Variants in SLIT2 observed in about 807,000 individuals in gnomAD.
SLIT2 encodes the protein slit homolog 2 protein.
SLIT2 carries 41 observed loss-of-function variants against 185.7 expected under a neutral mutation model. The ratio of observed to expected loss-of-function variants is 0.22; its 90% CI spans 0.17 to 0.29. The LOEUF (loss-of-function observed/expected upper bound fraction) is 0.29, where lower values mean the gene tolerates loss of function less well. Among genes scored for constraint, SLIT2 ranks in the 10% least tolerant of loss-of-function variants. The pLI is 1.00. For synonymous variants in SLIT2, 693 were observed against 680.2 expected, an observed-to-expected ratio of 1.02 and a Z score of -0.29; for missense variants, 1,571 against 1,909.0, an observed-to-expected ratio of 0.82 and a Z score of 3.30.
intron 8 of SLIT2, among the ~76,000 whole-genome samples, chr4:20,490,516 A>G (rs1484931677): frequency 1.3e-5 from 2 of 152,164 alleles, no homozygotes; most frequent in Non-Finnish European, 2.9e-5. Context: ...TCAAAATACA[A>G]CAAAACAAAA....
chr4:20,257,734 G>A (rs752677105), intron 2 of SLIT2, 134 bp from the exon 3 acceptor site: 45 of 649,526 alleles, frequency 6.9e-5, no homozygotes, highest in Non-Finnish European at 1.1e-4. Context: ...TATTAAATTT[G>A]ATATTGGATC....
chr4:20,443,933 A>T (rs777567514), intron 4 of SLIT2, among the ~76,000 whole-genome samples: 13 of 152,206 alleles, frequency 8.5e-5, no homozygotes, highest in Non-Finnish European at 1.8e-4. Flanking sequence ...TGCTGGATTG[A>T]AAAGTCTACT....
chr4:20,349,013 A>T (rs567835938), intron 4 of SLIT2, among the ~76,000 whole-genome samples: 12 of 152,232 alleles, frequency 7.9e-5, no homozygotes, highest in African/African-American at 2.4e-4. Context: ...AGTAGAGTCA[A>T]CTCCATCTGA....
intron 4 of SLIT2, among the ~76,000 whole-genome samples, chr4:20,275,520 A>T (rs1714084157): frequency 1.3e-5 from 2 of 152,178 alleles, no homozygotes. Flanking sequence ...TGTCCTTGCA[A>T]CTTGCCCTCA....
At chr4:20,583,777 C>G (rs1726807362) in intron 29 of SLIT2, among the ~76,000 whole-genome samples, 1 of 151,488 alleles carries the variant, frequency 6.6e-6, no homozygotes, top group African/African-American at 2.4e-5. Flanking sequence ...CCACTGCACT[C>G]CAGCCTGGGC....
In SLIT2 at chr4:20,372,384, A is replaced by G. The variant is rs1723661570; in HGVS notation, c.396-95368A>G. 2.0e-5 allele frequency among the ~76,000 whole-genome samples: 3 copies of G among 152,088 alleles called. No homozygotes were observed. The South Asian group carries it at 6.2e-4, about 31-fold the overall frequency. On this transcript the variant is annotated intron_variant, in intron 4 of 36. Transcript: ENST00000504154. The stretch of plus-strand genomic sequence containing the variant: ...TTTTTTACCTCCTTAAATTTTACAA[A>G]AAACTAAAGTGAGGAAAAGAAACCC...
At chr4:20,382,358 T>A (rs1313511255) in intron 4 of SLIT2, among the ~76,000 whole-genome samples, 2 of 152,284 alleles carry the variant, frequency 1.3e-5, no homozygotes, top group East Asian at 3.9e-4. Flanking sequence ...AGTAAGTTTT[T>A]AAATAACTAA....
chr4:20,614,751 C>T (rs1463316704), intron 34 of SLIT2: 1 of 148,244 alleles, frequency 6.7e-6, no homozygotes, highest in Non-Finnish European at 1.5e-5. Flanking sequence ...GCACTCCAGC[C>T]TGGGCGACAA....
chr4:20,333,516 G>A (rs957662933), intron 4 of SLIT2, among the ~76,000 whole-genome samples: 1 of 152,006 alleles, frequency 6.6e-6, no homozygotes, highest in African/African-American at 2.4e-5. Context: ...AATTTGCTTT[G>A]CCAGTCACAT....
At chr4:20,574,781 G>A (rs534846923) in intron 29 of SLIT2, among the ~76,000 whole-genome samples, 2 of 115,028 alleles carry the variant, frequency 1.7e-5, no homozygotes, top group South Asian at 3.0e-4. Context: ...AGTGAGACTC[G>A]CTTTCAAAAA....
chr4:20,417,311 G>A (rs796268378), intron 4 of SLIT2, among the ~76,000 whole-genome samples: 6 of 151,640 alleles, frequency 4.0e-5, no homozygotes, highest in African/African-American at 1.5e-4. Context: ...CTCTGCTAAT[G>A]TATTTCCTAC....
At chr4:20,442,060 G>T (rs1176603189) in intron 4 of SLIT2, among the ~76,000 whole-genome samples, 1 of 152,056 alleles carries the variant, frequency 6.6e-6, no homozygotes, top group South Asian at 2.1e-4. Flanking sequence ...TATAGTTGGG[G>T]GTAGGAGAGG....
intron 4 of SLIT2, among the ~76,000 whole-genome samples, chr4:20,432,509 G>T (rs1204712922): frequency 1.4e-5 from 2 of 147,722 alleles, no homozygotes; most frequent in African/African-American, 5.0e-5. Flanking sequence ...ATTCATAGCT[G>T]CAGACTGTCT....
intron 29 of SLIT2, among the ~76,000 whole-genome samples, chr4:20,587,139 C>T (rs1286876744): frequency 6.6e-6 from 1 of 152,026 alleles, no homozygotes; most frequent in African/African-American, 2.4e-5. Context: ...CTGCCTCAGC[C>T]TCCCGAGTAG....
At chr4:20,589,900 C>CTTTTTTT (rs34384249) in intron 30 of SLIT2, among the ~76,000 whole-genome samples, 163 bp downstream of exon 30, 35 of 84,480 alleles carry the variant, frequency 4.1e-4, no homozygotes, top group Non-Finnish European at 5.0e-4. Context: ...ACAATATGGA[C>CTTTTTTT]TTTTTTTTTT....
intron 9 of SLIT2, among the ~76,000 whole-genome samples, chr4:20,502,013 A>ATATATAT: frequency 1.3e-5 from 2 of 152,334 alleles, no homozygotes; most frequent in Admixed American, 1.3e-4. Context: ...CTAATTTCCC[A>ATATATAT]AGAAGTTATT....
intron 4 of SLIT2, among the ~76,000 whole-genome samples, chr4:20,459,010 T>C (rs1713396624): frequency 6.6e-6 from 1 of 152,204 alleles, no homozygotes; most frequent in Admixed American, 6.5e-5. Context: ...TTGACACTTT[T>C]TATTAACAGC....
At position 20,581,650 on chromosome 4, in the gene SLIT2, C is replaced by T. The variant is rs568504250; in HGVS notation, c.3089-7994C>T. ...CTTTGGGCCATGTATATCTCCACCCCACCCCTACCCTGTACAAGTGGTCAC... is the reference window on the plus strand; with the variant it reads ...CTTTGGGCCATGTATATCTCCACCCTACCCCTACCCTGTACAAGTGGTCAC... On this transcript the variant is annotated intron_variant, in intron 29 of 36. Coordinates refer to ENST00000504154, the MANE Select transcript of SLIT2 (RefSeq NM_004787.4). Among the ~76,000 whole-genome samples, 50 of 152,284 alleles carry T rather than the reference C, an allele frequency of 3.3e-4. 2 individuals carry two copies. In the South Asian group the frequency reaches 7.2e-3, roughly 22 times the overall value.
Position 20,467,811 on chromosome 4 carries a change from A to G in SLIT2, c.455A>G (p.Asp152Gly). 6.3e-7 allele frequency: 1 copy of G among 1,582,898 alleles called. No homozygotes were observed. ...AGGAAAGCTTTCCGTGGGGCAGTTG[A>G]CATAAAAAATTTGTAAGTATCTATT... is the stretch of plus-strand genomic sequence containing the variant. ...IPRKAFRGAV[D>G]IKNLQLDYNQ... Residue 152 changes from aspartate (D) to glycine (G), a missense_variant, in exon 5 of 37, where the codon GAC becomes GGC. Around this residue, in one of 3 missense-constraint regions of SLIT2, gnomAD observed 1,202 missense variants for 1,416.4 expected, o/e 0.85. Coordinates refer to ENST00000504154, the MANE Select transcript of SLIT2 (RefSeq NM_004787.4).
Sources: allele counts gnomAD v4.1 joint callset (sites outside exome capture counted in the v4.1 genomes callset), GRCh38; gene constraint gnomAD v4.1.1; regional missense constraint gnomAD v4.1.1; transcripts MANE v1.5; gene names NCBI Gene and HGNC (gene_info 2026-07-23, HGNC 2026-07-21).